Variants in SLIT2 observed in about 807,000 individuals in gnomAD.
SLIT2 encodes the protein slit homolog 2 protein.
Under a neutral mutation model 185.7 loss-of-function variants are expected in SLIT2, and 41 were observed. That is an observed-to-expected ratio of 0.22 (90% CI 0.17 to 0.29). SLIT2 has a LOEUF of 0.29. Ranked by LOEUF, SLIT2 falls within the 10% of genes least tolerant of loss-of-function variation. The probability of loss-of-function intolerance (pLI) is 1.00; values close to 1 mark genes in which losing one functional copy is unlikely to be tolerated. For synonymous variants in SLIT2, 693 were observed against 680.2 expected (o/e 1.02, Z -0.29); for missense variants, 1,571 against 1,909.0 (o/e 0.82, Z 3.30).
intron 9 of SLIT2, among the ~76,000 whole-genome samples, chr4:20,505,421 G>A (rs1004059270): frequency 6.6e-6 from 1 of 152,074 alleles, no homozygotes; most frequent in African/African-American, 2.4e-5. Flanking sequence ...TGAAGATTTG[G>A]CATGTGGATG....
At chr4:20,534,787 C>T (rs1358088185) in intron 18 of SLIT2, among the ~76,000 whole-genome samples, 3 of 152,058 alleles carry the variant, frequency 2.0e-5, no homozygotes, top group African/African-American at 4.8e-5. Flanking sequence ...AGGGCATTCC[C>T]ACAGCCAGCA....
chr4:20,434,849 A>G (rs765050035), intron 4 of SLIT2, among the ~76,000 whole-genome samples: 5 of 152,224 alleles, frequency 3.3e-5, no homozygotes, highest in Non-Finnish European at 5.9e-5. Context: ...AAAGAAATGT[A>G]TGAAAGCAAG....
chr4:20,508,397 A>G (rs6854577), intron 9 of SLIT2, among the ~76,000 whole-genome samples: 28,923 of 151,950 alleles, frequency 0.19, 3,094 homozygotes, highest in African/African-American at 0.3. Flanking sequence ...AAGTATCACT[A>G]ATATATACAT....
intron 33 of SLIT2, among the ~76,000 whole-genome samples, chr4:20,602,681 T>C (rs1432603199): frequency 6.6e-6 from 1 of 152,188 alleles, no homozygotes; most frequent in African/African-American, 2.4e-5. Context: ...GGGACTACAC[T>C]TTGAGAACCC....
In SLIT2 at chr4:20,549,073, C is replaced by T. The variant is rs774160050; in HGVS notation, c.2434C>T (p.Arg812Cys). Residue 812 changes from arginine to cysteine, a missense_variant, in exon 24 of 37, where the codon CGT (arginine) becomes TGT (cysteine). Physicochemically the swap from Arg to Cys is radical, Grantham distance 180. Transcript: ENST00000504154. ...QLLTLILSYN[R>C]LRCIPPRTFD... ...TGCTTTCAGAATTCTTAGTTACAACCGTCTGAGATGTATTCCTCCTCGCAC... is the reference window on the plus strand; with the variant it reads ...TGCTTTCAGAATTCTTAGTTACAACTGTCTGAGATGTATTCCTCCTCGCAC... 28 of 1,598,110 alleles carry T rather than the reference C, an allele frequency of 1.8e-5. No homozygotes were observed. Among genetic ancestry groups the T allele is most frequent in the African/African-American group, 2.7e-5 (2 of 74,502 alleles).
Position 20,528,230 on chromosome 4 carries a change from C to A in SLIT2, c.1463-719C>A, listed in dbSNP as rs772879343. 1 of 533,580 alleles carries A rather than the reference C, an allele frequency of 1.9e-6. No homozygotes were observed. The highest frequency in any genetic ancestry group is 1.4e-5 in the South Asian group (1 of 71,308). 33.1% of individuals were successfully genotyped at this position (533,580 alleles called of 1,614,324 possible). A position where few individuals can be genotyped will look rare whatever the true frequency, so the allele number is the denominator to read the frequency against. ...CGTCTGTAGCTTTTCTCCTCCTTCC[C>A]TCCATTTTCCTCTTGGTCTTACCTT... On this transcript the variant is annotated intron_variant, in intron 15 of 36. Coordinates refer to ENST00000504154, the MANE Select transcript of SLIT2 (RefSeq NM_004787.4). This position sits in a 1 kb window ranked among gnomAD's most constrained non-coding sequence, Gnocchi z 4.2.
chr4:20,401,886 T>G (rs149799632), intron 4 of SLIT2, among the ~76,000 whole-genome samples: 2 of 152,074 alleles, frequency 1.3e-5, no homozygotes, highest in South Asian at 2.1e-4. Context: ...TAAAAATTAT[T>G]GTTTTATCAG....
intron 11 of SLIT2, 93 bp from the exon 12 acceptor site, chr4:20,519,289 C>T: frequency 1.4e-6 from 1 of 699,042 alleles, no homozygotes; most frequent in Admixed American, 2.4e-5. Context: ...TGATTGCCTA[C>T]TAGCTTCCTG....
chr4:20,600,594 T>C (rs989004530), intron 33 of SLIT2, among the ~76,000 whole-genome samples: 3 of 151,816 alleles, frequency 2.0e-5, no homozygotes, highest in African/African-American at 7.3e-5. Context: ...GGCTAATCTT[T>C]TTTGTATTTT....
chr4:20,512,119 G>A (rs769176343), intron 11 of SLIT2, among the ~76,000 whole-genome samples: 32 of 152,136 alleles, frequency 2.1e-4, no homozygotes, highest in Non-Finnish European at 3.2e-4. Context: ...AGTGGAAGTC[G>A]GCACATTTTT....
intron 21 of SLIT2, among the ~76,000 whole-genome samples, chr4:20,544,810 A>G (rs1294275298): frequency 1.3e-5 from 2 of 152,124 alleles, no homozygotes; most frequent in Non-Finnish European, 2.9e-5. Context: ...CACATTCTGA[A>G]TCTTGACCTT....
intron 18 of SLIT2, among the ~76,000 whole-genome samples, chr4:20,537,983 G>A (rs1335012499): frequency 2.0e-5 from 3 of 151,996 alleles, no homozygotes; most frequent in Middle Eastern, 3.4e-3. Context: ...TATTTGAGAC[G>A]GAGTCTCGCT....
intron 33 of SLIT2, among the ~76,000 whole-genome samples, chr4:20,607,380 T>TA (rs1347502282): frequency 6.6e-6 from 1 of 152,160 alleles, no homozygotes; most frequent in Non-Finnish European, 1.5e-5. Context: ...CATCTAGGAG[T>TA]ATTGCTAAAA....
At chr4:20,312,792 AAG>A (rs1345127159) in intron 4 of SLIT2, among the ~76,000 whole-genome samples, 2 of 147,362 alleles carry the variant, frequency 1.4e-5, no homozygotes, top group African/African-American at 4.9e-5. Flanking sequence ...AAAAAAAAAA[AAG>A]AAAGAAAAGA....
chr4:20,284,338 T>C (rs1028946438), intron 4 of SLIT2, among the ~76,000 whole-genome samples: 2 of 152,254 alleles, frequency 1.3e-5, no homozygotes, highest in Admixed American at 1.3e-4. Flanking sequence ...CTAATTCTTA[T>C]ATTGTCATTA....
chr4:20,297,561 T>G (rs1003853247), intron 4 of SLIT2, among the ~76,000 whole-genome samples: 1 of 152,166 alleles, frequency 6.6e-6, no homozygotes, highest in African/African-American at 2.4e-5. Flanking sequence ...AAATCGTAAT[T>G]TTTTGATTCC....
At position 20,523,858 on chromosome 4, in the gene SLIT2, C is replaced by T. The variant is rs770954482; in HGVS notation, c.1229C>T (p.Thr410Ile). 3 of 1,613,924 alleles carry T rather than the reference C, an allele frequency of 1.9e-6. No individual in the cohort carries two copies. Among genetic ancestry groups the T allele is most frequent in the African/African-American group, 1.3e-5 (1 of 74,924 alleles). The change falls in exon 13 of 37, where the codon ACC becomes ATC. Residue 410 changes from threonine (T) to isoleucine (I), a missense_variant. By Grantham distance (89) the Thr-to-Ile change is moderately conservative. Coordinates refer to ENST00000504154, the MANE Select transcript of SLIT2 (RefSeq NM_004787.4). ...TCCCTATATGACAACAAGCTTCAGACCATCGCCAAGGGGACCTTTTCACCT... is the reference window on the plus strand; with the variant it reads ...TCCCTATATGACAACAAGCTTCAGATCATCGCCAAGGGGACCTTTTCACCT... ...LLSLYDNKLQ[T>I]IAKGTFSPLR...
At chr4:20,479,101 A>G (rs1165415297) in intron 5 of SLIT2, among the ~76,000 whole-genome samples, 1 of 152,180 alleles carries the variant, frequency 6.6e-6, no homozygotes, top group Non-Finnish European at 1.5e-5. Context: ...ATAAAATTGT[A>G]TCTTCTTTGG....
intron 18 of SLIT2, among the ~76,000 whole-genome samples, chr4:20,538,786 A>C (rs1577884502): frequency 6.6e-6 from 1 of 152,192 alleles, no homozygotes; most frequent in Middle Eastern, 3.4e-3. Context: ...TGACTAAAAA[A>C]AAAAAAAAAA....
Sources: allele counts gnomAD v4.1 joint callset (sites outside exome capture counted in the v4.1 genomes callset), GRCh38; gene constraint gnomAD v4.1.1; non-coding constraint Gnocchi (gnomAD v3.1); transcripts MANE v1.5; gene names NCBI Gene and HGNC (gene_info 2026-07-23, HGNC 2026-07-21).